CTNNA3: variants seen among roughly 807,000 people sequenced by gnomAD.
CTNNA3 encodes the protein catenin alpha-3.
In CTNNA3, 76 loss-of-function variants were observed where a neutral mutation model predicts 95.7. The observed-to-expected ratio is 0.79, with a 90% CI of 0.66 to 0.96. The LOEUF is 0.96. Ranked by LOEUF, CTNNA3 falls within the 40% of genes least tolerant of loss-of-function variation. CTNNA3 has a pLI of 0.00. For synonymous variants in CTNNA3, 431 were observed against 374.4 expected, an observed-to-expected ratio of 1.15 and a Z score of -1.74; for missense variants, 1,191 against 1,089.8, an observed-to-expected ratio of 1.09 and a Z score of -1.31.
intron 10 of CTNNA3, among the ~76,000 whole-genome samples, chr10:66,584,832 G>A (rs1843307402): frequency 6.6e-6 from 1 of 151,966 alleles, no homozygotes; most frequent in Non-Finnish European, 1.5e-5. Context: ...ACAACAACTT[G>A]TTTCAAGATT....
chr10:67,318,399 T>A (rs1458257568), intron 5 of CTNNA3, among the ~76,000 whole-genome samples: 3 of 152,218 alleles, frequency 2.0e-5, no homozygotes, highest in Non-Finnish European at 4.4e-5. Flanking sequence ...TGTAAAATGA[T>A]GGAAGTTACC....
chr10:66,829,423 A>G (rs1842632301), intron 7 of CTNNA3, among the ~76,000 whole-genome samples: 1 of 152,088 alleles, frequency 6.6e-6, no homozygotes, highest in African/African-American at 2.4e-5. Context: ...AGCCTGACCA[A>G]CATGGCAAAA....
intron 11 of CTNNA3, among the ~76,000 whole-genome samples, chr10:66,410,761 C>T (rs1383602057): frequency 6.6e-6 from 1 of 152,180 alleles, no homozygotes; most frequent in Non-Finnish European, 1.5e-5. Context: ...CATTACCAGA[C>T]ACAAGGCTCC....
chr10:67,310,198 T>G (rs1483849188), intron 5 of CTNNA3, among the ~76,000 whole-genome samples: 3 of 152,190 alleles, frequency 2.0e-5, no homozygotes, highest in African/African-American at 7.2e-5. Context: ...CATAAGATTG[T>G]TCTCCTAGTC....
chr10:66,031,512 C>T (rs537396921), intron 15 of CTNNA3, among the ~76,000 whole-genome samples: 4 of 151,956 alleles, frequency 2.6e-5, no homozygotes, highest in Non-Finnish European at 2.9e-5. Context: ...ACACTGGGGA[C>T]ACATGGACAT....
At chr10:67,203,590 C>G (rs894229904) in intron 6 of CTNNA3, among the ~76,000 whole-genome samples, 1 of 152,110 alleles carries the variant, frequency 6.6e-6, no homozygotes, top group Non-Finnish European at 1.5e-5. Context: ...TTTTTTCATA[C>G]CTATCCCTCT....
chr10:67,613,709 AT>A (rs1325284578), intron 2 of CTNNA3, among the ~76,000 whole-genome samples: 1 of 152,032 alleles, frequency 6.6e-6, no homozygotes. Context: ...TTTATTACTG[AT>A]TTTTTCATTT....
chr10:66,021,852 CTTTT>C (rs34671813), intron 15 of CTNNA3, among the ~76,000 whole-genome samples: 1 of 75,950 alleles, frequency 1.3e-5, no homozygotes. Context: ...AGGATCTTGG[CTTTT>C]TTTTTTTTTT....
At position 66,319,657 on chromosome 10, in the gene CTNNA3, C is replaced by G. The variant is rs748831127; in HGVS notation, c.1733-39036G>C. On this transcript the variant is annotated intron_variant, in intron 12 of 17. Transcript: ENST00000433211. ...TGATATTTTAATGCCACCAACCATA[C>G]ACCTATAAATTTCTTGTCATTAGAC... 3.0e-4 allele frequency among the ~76,000 whole-genome samples: 46 copies of G among 152,076 alleles called. 1 individual carries two copies. The highest frequency in any genetic ancestry group is 5.3e-4 in the Non-Finnish European group (36 of 67,984).
At chr10:66,261,255 C>CTTAAGTAAATTCAGTACAT (rs1481778659) in intron 13 of CTNNA3, among the ~76,000 whole-genome samples, 4 of 152,056 alleles carry the variant, frequency 2.6e-5, no homozygotes, top group Non-Finnish European at 4.4e-5. Flanking sequence ...TGCTTCACTT[C>CTTAAGTAAATTCAGTACAT]TTAAGTAAAT....
Position 67,060,349 on chromosome 10 carries a change from T to C in CTNNA3, c.1047+119968A>G, listed in dbSNP as rs185335061. Among the ~76,000 whole-genome samples the C allele has an allele frequency of 4.3e-3, 647 of 152,226 alleles. 1 individual carries two copies. The highest frequency in any genetic ancestry group is 0.015 in the African/African-American group (608 of 41,536). On this transcript the variant is annotated intron_variant, in intron 7 of 17. Coordinates refer to ENST00000433211, the MANE Select transcript of CTNNA3 (RefSeq NM_013266.4). Reference sequence around the variant, plus strand: ...TTTTTAAAAAAATTCTGTAAATGTATACAATTAATTGCCAAGTGACTAAAC... The same window carrying C: ...TTTTTAAAAAAATTCTGTAAATGTACACAATTAATTGCCAAGTGACTAAAC...
At chr10:66,821,291 G>A (rs1283313474) in intron 7 of CTNNA3, among the ~76,000 whole-genome samples, 1 of 152,128 alleles carries the variant, frequency 6.6e-6, no homozygotes, top group East Asian at 1.9e-4. Context: ...TACAAGGTAT[G>A]GTATGTCAAA....
At chr10:66,505,664 A>G (rs1338370630) in intron 11 of CTNNA3, among the ~76,000 whole-genome samples, 1 of 152,264 alleles carries the variant, frequency 6.6e-6, no homozygotes, top group South Asian at 2.1e-4. Context: ...CTATTGTAAC[A>G]TCTTGAATGT....
intron 6 of CTNNA3, among the ~76,000 whole-genome samples, chr10:67,196,365 T>C (rs1002169842): frequency 1.7e-4 from 26 of 152,104 alleles, no homozygotes; most frequent in Admixed American, 1.4e-3. Context: ...TACTTAGCTA[T>C]AGTAAGTCAA....
At chr10:67,646,185 TC>T (rs1472318588) in intron 2 of CTNNA3, among the ~76,000 whole-genome samples, 3 of 145,724 alleles carry the variant, frequency 2.1e-5, no homozygotes, top group Non-Finnish European at 3.0e-5. Flanking sequence ...GGTTTTTCTT[TC>T]TTTTTTTTTT....
chr10:66,693,672 C>G (rs1435839421), intron 9 of CTNNA3, among the ~76,000 whole-genome samples: 1 of 152,006 alleles, frequency 6.6e-6, no homozygotes, highest in Non-Finnish European at 1.5e-5. Flanking sequence ...TTTTCAGCAC[C>G]ACACCACACC....
At chr10:66,687,266 G>T (rs1337563380) in intron 9 of CTNNA3, among the ~76,000 whole-genome samples, 1 of 151,886 alleles carries the variant, frequency 6.6e-6, no homozygotes, top group Non-Finnish European at 1.5e-5. Flanking sequence ...TTTCAAAGTG[G>T]AAACACTCAA....
chr10:67,504,637 A>T (rs1839377250), intron 5 of CTNNA3, among the ~76,000 whole-genome samples: 1 of 152,102 alleles, frequency 6.6e-6, no homozygotes, highest in African/African-American at 2.4e-5. Context: ...TACCTTACTT[A>T]TCACACATTG....
rs1352626437 is a variant in CTNNA3 at position 67,588,231 on chromosome 10, T to G, written c.292+18626A>C. ...TCTTTTTTGTTAAGATCTATCTTATTATTAATTATTAATAATTAAGAATTA... is the reference window on the plus strand; with the variant it reads ...TCTTTTTTGTTAAGATCTATCTTATGATTAATTATTAATAATTAAGAATTA... On this transcript the variant is annotated intron_variant, in intron 3 of 17. Transcript: ENST00000433211. Among the ~76,000 whole-genome samples, 3 of 61,386 alleles carry G rather than the reference T, an allele frequency of 4.9e-5. No individual in the cohort carries two copies. In the African/African-American group the frequency reaches 8.1e-4, roughly 17 times the overall value. The allele number at this position is 61,386 out of a possible 152,430, so 40.3% of individuals were successfully genotyped here.
Sources: allele counts gnomAD v4.1 joint callset (sites outside exome capture counted in the v4.1 genomes callset), GRCh38; gene constraint gnomAD v4.1.1; transcripts MANE v1.5; gene names NCBI Gene and HGNC (gene_info 2026-07-23, HGNC 2026-07-21).